PPP6R3: variants seen among roughly 807,000 people sequenced by gnomAD.
The protein encoded by PPP6R3 is protein phosphatase 6 regulatory subunit 3.
In PPP6R3, 38 loss-of-function variants were observed where a neutral mutation model predicts 110.7. The observed-to-expected ratio is 0.34, with a 90% confidence interval of 0.26 to 0.45. The LOEUF is 0.45. Among genes scored for constraint, PPP6R3 ranks in the 20% least tolerant of loss-of-function variants. PPP6R3 has a pLI of 1.00. For missense variants in PPP6R3, 870 were observed against 1,062.4 expected, an observed-to-expected ratio of 0.82 and a Z score of 2.52; for synonymous variants, 369 against 373.5, an observed-to-expected ratio of 0.99 and a Z score of 0.14.
At chr11:68,581,994 T>TGC (rs1322223477) in intron 14 of PPP6R3, among the ~76,000 whole-genome samples, 1 of 152,188 alleles carries the variant, frequency 6.6e-6, no homozygotes, top group African/African-American at 2.4e-5. Flanking sequence ...GCTCAGAATT[T>TGC]TACAAGACAT....
chr11:68,547,141 T>C (rs1179954046), intron 4 of PPP6R3, among the ~76,000 whole-genome samples: 3 of 152,144 alleles, frequency 2.0e-5, no homozygotes, highest in Middle Eastern at 3.2e-3. Context: ...GTGGCATACA[T>C]ATCCAATTTT....
intron 23 of PPP6R3, among the ~76,000 whole-genome samples, chr11:68,611,911 C>G (rs1337094990): frequency 6.6e-6 from 1 of 152,192 alleles, no homozygotes; most frequent in African/African-American, 2.4e-5. Context: ...CGCGCTGTTT[C>G]CTGTCACACT....
At chr11:68,462,982 A>T in intron 1 of PPP6R3, among the ~76,000 whole-genome samples, 1 of 152,222 alleles carries the variant, frequency 6.6e-6, no homozygotes, top group Admixed American at 6.5e-5. Context: ...AAAAGTTGTT[A>T]GTTTCAATGA....
chr11:68,472,285 G>A (rs1591573465), intron 1 of PPP6R3, among the ~76,000 whole-genome samples: 1 of 152,138 alleles, frequency 6.6e-6, no homozygotes, highest in East Asian at 1.9e-4. Context: ...GTGTGGTTGT[G>A]GTTTATCCTT....
chr11:68,471,282 CAAAAAA>C (rs34619002), intron 1 of PPP6R3, among the ~76,000 whole-genome samples: 2 of 57,268 alleles, frequency 3.5e-5, no homozygotes, highest in African/African-American at 5.4e-5. Flanking sequence ...GATTCTGTCT[CAAAAAA>C]AAAAAAAAAA....
At chr11:68,465,831 G>A (rs1214108285) in intron 1 of PPP6R3, among the ~76,000 whole-genome samples, 1 of 152,148 alleles carries the variant, frequency 6.6e-6, no homozygotes, top group Non-Finnish European at 1.5e-5. Flanking sequence ...AACTTTGGGT[G>A]GTTGAGATTG....
At chr11:68,559,830 A>C (rs2099412438) in intron 8 of PPP6R3, among the ~76,000 whole-genome samples, 1 of 115,940 alleles carries the variant, frequency 8.6e-6, no homozygotes, top group African/African-American at 3.3e-5. Context: ...TTCCCACCCC[A>C]GCGGTACGGT....
At chr11:68,594,265 G>GGAGAGAGA (rs56125097) in intron 18 of PPP6R3, among the ~76,000 whole-genome samples, 1 of 136,956 alleles carries the variant, frequency 7.3e-6, no homozygotes, top group African/African-American at 2.8e-5. Context: ...TAAAAAAGGG[G>GGAGAGAGA]GAGAGAGAGA....
chr11:68,554,117 TG>T (rs747053083), intron 6 of PPP6R3, 27 bp from the exon 7 acceptor site: 2 of 1,470,434 alleles, frequency 1.4e-6, no homozygotes, highest in South Asian at 2.4e-5. Flanking sequence ...ACATGTTTTA[TG>T]GTTAAAATTG....
At position 68,614,812 on chromosome 11, in the gene PPP6R3, GCTC is replaced by G. The variant is rs759226468; in HGVS notation, c.*1701_*1703del. On this transcript the variant is annotated 3_prime_UTR_variant, in exon 24 of 24. Coordinates refer to ENST00000393800, the MANE Select transcript of PPP6R3 (RefSeq NM_001164161.2). ...GGAAGCAGCACCCCCAGAGGACAGG[GCTC>G]CTCCTGCTTGCCTCAGGGCTGCCTG... is the stretch of plus-strand genomic sequence containing the variant. 6.9e-7 allele frequency: 1 copy of G among 1,450,304 alleles called. No homozygotes were observed. Among genetic ancestry groups the G allele is most frequent in the African/African-American group, 1.4e-5 (1 of 71,076 alleles). 89.8% of individuals were successfully genotyped at this position (1,450,304 alleles called of 1,614,324 possible). A position where few individuals can be genotyped will look rare whatever the true frequency, so the allele number is the denominator to read the frequency against.
chr11:68,484,198 T>G (rs2098932316), intron 1 of PPP6R3, among the ~76,000 whole-genome samples: 1 of 152,208 alleles, frequency 6.6e-6, no homozygotes, highest in African/African-American at 2.4e-5. Context: ...GGTTTTTGTG[T>G]GGACGTAAGT....
intron 1 of PPP6R3, among the ~76,000 whole-genome samples, chr11:68,511,273 G>A (rs1399439682): frequency 6.6e-6 from 1 of 151,836 alleles, no homozygotes; most frequent in Non-Finnish European, 1.5e-5. Flanking sequence ...CGCCATGTTG[G>A]TAAGGCTGGT....
At position 68,538,027 on chromosome 11, in the gene PPP6R3, G is replaced by A. The variant is rs1052195051; in HGVS notation, c.227+136G>A. The A allele has an allele frequency of 8.1e-6, 5 of 618,798 alleles. No homozygotes were observed. The Admixed American group carries it at 1.8e-4, about 23-fold the overall frequency. The allele number at this position is 618,798 out of a possible 1,614,324, so 38.3% of individuals were successfully genotyped here. ...TAAGATAGTCAAGAATGACAGGCTC[G>A]GTGGAGCGCAAAATCCATTCTAGCA... On this transcript the variant is annotated intron_variant, in intron 3 of 23. Transcript: ENST00000393800.
intron 7 of PPP6R3, among the ~76,000 whole-genome samples, chr11:68,554,794 A>G (rs866449386): frequency 1.3e-5 from 2 of 152,230 alleles, no homozygotes; most frequent in Non-Finnish European, 2.9e-5. Flanking sequence ...GCATTCAAAC[A>G]GCTGAACGTT....
chr11:68,570,590 A>G (rs1351275977), intron 11 of PPP6R3, among the ~76,000 whole-genome samples: 1 of 152,222 alleles, frequency 6.6e-6, no homozygotes, highest in Non-Finnish European at 1.5e-5. Context: ...CCTGTTTTTA[A>G]TATTAATGCA....
chr11:68,500,754 G>A (rs1204754120), intron 1 of PPP6R3, among the ~76,000 whole-genome samples: 2 of 152,246 alleles, frequency 1.3e-5, no homozygotes, highest in Admixed American at 6.5e-5. Context: ...GGGATTACAG[G>A]CGTGAGCCAC....
chr11:68,567,160 C>T lies in PPP6R3; in HGVS notation c.1122C>T (p.Val374=). ...GDLMELNSIG[V]ILNMFFKYTW... ...TTATGGAGCTGAATAGCATTGGAGTCATATTGGTGAGATTTTCCCTGCTCA... is the reference window on the plus strand; with the variant it reads ...TTATGGAGCTGAATAGCATTGGAGTTATATTGGTGAGATTTTCCCTGCTCA... The change falls in exon 10 of 24, where the codon GTC becomes GTT. Residue 374 remains valine (V), a synonymous_variant. Coordinates refer to ENST00000393800, the MANE Select transcript of PPP6R3 (RefSeq NM_001164161.2). 1 of 1,537,082 alleles carries T rather than the reference C, an allele frequency of 6.5e-7. No individual in the cohort carries two copies. Among genetic ancestry groups the T allele is most frequent in the Non-Finnish European group, 8.8e-7 (1 of 1,141,504 alleles).
chr11:68,488,589 G>A (rs1365583731), intron 1 of PPP6R3: 4 of 152,576 alleles, frequency 2.6e-5, no homozygotes, highest in African/African-American at 9.7e-5. Context: ...GTCAACGGAG[G>A]TGCTCACAAT....
intron 17 of PPP6R3, among the ~76,000 whole-genome samples, chr11:68,591,234 G>A (rs1320240796): frequency 1.3e-5 from 2 of 152,182 alleles, no homozygotes; most frequent in Non-Finnish European, 2.9e-5. Flanking sequence ...ACTAGTAAAA[G>A]CAAATAAGTA....
Sources: gnomAD v4.1 joint callset for allele counts (sites outside exome capture counted in the v4.1 genomes callset) on GRCh38, gnomAD v4.1.1 for gene constraint, MANE v1.5 for transcripts, NCBI Gene and HGNC (gene_info 2026-07-23, HGNC 2026-07-21) for gene names.